Variants in EFCAB6 observed in about 807,000 individuals in gnomAD.
EFCAB6 encodes the protein EF-hand calcium-binding domain-containing protein 6.
EFCAB6 carries 156 observed loss-of-function variants against 169.8 expected under a neutral mutation model. That is an observed-to-expected ratio of 0.92 (90% confidence interval 0.81 to 1.05). The LOEUF is 1.05. EFCAB6 is among the 50% of genes least tolerant of loss of function. The pLI, the probability that EFCAB6 is intolerant of heterozygous loss-of-function variation, is 0.00. For synonymous variants in EFCAB6, 698 were observed against 676.4 expected (o/e 1.03, Z -0.50); for missense variants, 1,800 against 1,829.1 (o/e 0.98, Z 0.29).
At position 43,537,729 on chromosome 22, in the gene EFCAB6, T is replaced by A. The variant is rs949514752; in HGVS notation, c.3880-184A>T. Among the ~76,000 whole-genome samples, 10 of 152,198 alleles carry A rather than the reference T, an allele frequency of 6.6e-5. No individual in the cohort carries two copies. The highest frequency in any genetic ancestry group is 1.5e-4 in the Non-Finnish European group (10 of 68,038). On this transcript the variant is annotated intron_variant, in intron 28 of 31. Coordinates refer to ENST00000262726, the MANE Select transcript of EFCAB6 (RefSeq NM_022785.4). This position sits in a 1 kb window ranked among gnomAD's most constrained non-coding sequence, Gnocchi z 4.3. ...GTAGCTTTTATTTCCATTGGTGGGC[T>A]ATATGTACTTATGCCAAGCCATAAT... is the stretch of plus-strand genomic sequence containing the variant.
In EFCAB6 at chr22:43,782,184, A is replaced by G. The variant is rs2061844189; in HGVS notation, c.135T>C (p.Ser45=). 6.2e-7 allele frequency: 1 copy of G among 1,611,586 alleles called. No homozygotes were observed. The highest frequency in any genetic ancestry group is 8.5e-7 in the Non-Finnish European group (1 of 1,179,188). Residue 45 remains serine, a synonymous_variant, in exon 3 of 32, where the codon TCT becomes TCC. Transcript: ENST00000262726. The stretch of plus-strand genomic sequence containing the variant: ...TATTTGCTCATGAATACTTACTTGA[A>G]GAAGATCTGAACTTATTTGGGGAAC... ...RNGSPNKFRS[S]STTAVANPTL... is the part of the protein sequence containing the mutation.
At chr22:43,731,893 C>G in intron 7 of EFCAB6, 82 bp from the exon 8 acceptor site, 1 of 691,592 alleles carries the variant, frequency 1.4e-6, no homozygotes. Context: ...CCTTTACACT[C>G]GGGCTGGCAT....
In EFCAB6 at chr22:43,632,088, A is replaced by G; in HGVS notation, c.2232+17T>C. 7.4e-6 allele frequency: 12 copies of G among 1,612,744 alleles called. No homozygotes were observed. The highest frequency in any genetic ancestry group is 1.0e-5 in the Non-Finnish European group (12 of 1,179,092). ...GGGAGGCCTAGAGAAGCCCAGCGCC[A>G]GACAGTCACGGTTTACCCGGAATGA... On this transcript the variant is annotated intron_variant, in intron 19 of 31. Coordinates refer to ENST00000262726, the MANE Select transcript of EFCAB6 (RefSeq NM_022785.4).
chr22:43,771,453 T>C (rs2061468034), intron 4 of EFCAB6, among the ~76,000 whole-genome samples: 1 of 152,068 alleles, frequency 6.6e-6, no homozygotes, highest in East Asian at 1.9e-4. Flanking sequence ...AATTAATTAA[T>C]TAATTTAAAA....
chr22:43,611,654 T>C (rs2053314840), intron 21 of EFCAB6, among the ~76,000 whole-genome samples: 1 of 151,954 alleles, frequency 6.6e-6, no homozygotes. Context: ...AAAAATTAGC[T>C]GAGTGTGGTG....
At chr22:43,781,179 T>C (rs1006298948) in intron 3 of EFCAB6, among the ~76,000 whole-genome samples, 1 of 152,124 alleles carries the variant, frequency 6.6e-6, no homozygotes, top group African/African-American at 2.4e-5. Flanking sequence ...TTTTGGAAAA[T>C]AATAACGTCA....
intron 12 of EFCAB6, among the ~76,000 whole-genome samples, chr22:43,683,199 G>A (rs1011746599): frequency 3.9e-5 from 6 of 152,190 alleles, no homozygotes; most frequent in Non-Finnish European, 1.5e-5. Context: ...GTATCAAAAG[G>A]ATCCAAATGC....
At chr22:43,782,107 T>C in intron 3 of EFCAB6, 73 bp downstream of exon 3, 3 of 1,454,570 alleles carry the variant, frequency 2.1e-6, no homozygotes, top group Non-Finnish European at 2.8e-6. Context: ...TCCTTTGAAC[T>C]AAGCTTGGTA....
intron 24 of EFCAB6, among the ~76,000 whole-genome samples, chr22:43,584,619 T>C (rs570744847): frequency 6.6e-6 from 1 of 152,260 alleles, no homozygotes; most frequent in Non-Finnish European, 1.5e-5. Context: ...CTGAGAGCCT[T>C]ATCTTAGCTT....
chr22:43,747,388 AC>A (rs1334195692), intron 6 of EFCAB6, among the ~76,000 whole-genome samples: 25 of 152,188 alleles, frequency 1.6e-4, no homozygotes, highest in Admixed American at 1.6e-3. Flanking sequence ...GGGGAACAGC[AC>A]TGGAGAAGCT....
chr22:43,631,250 G>A (rs530507058), intron 19 of EFCAB6, among the ~76,000 whole-genome samples: 7 of 151,894 alleles, frequency 4.6e-5, no homozygotes, highest in South Asian at 2.1e-4. Context: ...GCCCTGTCTC[G>A]GGGTTCGCCT....
In EFCAB6 at chr22:43,590,164, G is replaced by A; in HGVS notation, c.2942C>T (p.Thr981Ile). The A allele has an allele frequency of 5.0e-6, 8 of 1,614,108 alleles. No homozygotes were observed. The highest frequency in any genetic ancestry group is 6.8e-6 in the Non-Finnish European group (8 of 1,180,010). Residue 981 changes from threonine to isoleucine, a missense_variant, in exon 24 of 32, where the codon ACC becomes ATC. Transcript: ENST00000262726. ...CATCTTGCATATGGATATGTAGTTG[G>A]TTTTGGATTGATCAGTTTTGGTGAA... ...KAFTKTDQSK[T>I]NYISICKMQE...
chr22:43,666,562 CATT>C (rs2057258463), intron 17 of EFCAB6, among the ~76,000 whole-genome samples: 1 of 152,154 alleles, frequency 6.6e-6, no homozygotes, highest in African/African-American at 2.4e-5. Flanking sequence ...TTTAAGCAAT[CATT>C]TAAATTAATT....
intron 13 of EFCAB6, among the ~76,000 whole-genome samples, chr22:43,673,906 G>T (rs1168615740): frequency 1.3e-5 from 2 of 151,604 alleles, no homozygotes; most frequent in African/African-American, 4.9e-5. Context: ...GGCAGAGCTT[G>T]CAGTGAGCCG....
chr22:43,590,321 A>AGCTGATG, intron 23 of EFCAB6, 92 bp from the exon 24 acceptor site: 1 of 1,414,342 alleles, frequency 7.1e-7, no homozygotes, highest in Admixed American at 2.3e-5. Context: ...TAATGCAATG[A>AGCTGATG]GCTGATGGCT....
intron 10 of EFCAB6, among the ~76,000 whole-genome samples, chr22:43,710,710 AC>A (rs1192454161): frequency 1.2e-4 from 19 of 152,226 alleles, no homozygotes; most frequent in Non-Finnish European, 2.1e-4. Context: ...AGTATGATCA[AC>A]AATGGTTGAT....
intron 17 of EFCAB6, among the ~76,000 whole-genome samples, chr22:43,647,548 T>C (rs1425483690): frequency 6.6e-6 from 1 of 152,220 alleles, no homozygotes; most frequent in African/African-American, 2.4e-5. Flanking sequence ...TTGAATTGTG[T>C]ACCCCAAAAG....
rs544087949 is a variant in EFCAB6 at position 43,802,009 on chromosome 22, A to AG, written c.-8+6985_-8+6986insC. Among the ~76,000 whole-genome samples the AG allele has an allele frequency of 9.2e-5, 14 of 152,318 alleles. No homozygotes were observed. In the East Asian group the frequency reaches 1.9e-3, roughly 21 times the overall value. On this transcript the variant is annotated intron_variant, in intron 2 of 31. Coordinates refer to ENST00000262726, the MANE Select transcript of EFCAB6 (RefSeq NM_022785.4). ...TAAAGACTCGTATAGACTGAAAGTG[A>AG]AGGGATGGAAAGGATATTCCATGCA...
chr22:43,597,170 T>C (rs1852460669), intron 23 of EFCAB6, among the ~76,000 whole-genome samples: 1 of 152,100 alleles, frequency 6.6e-6, no homozygotes. Flanking sequence ...ATTGGGGAAA[T>C]GCTACAGGAC....
Sources: allele counts gnomAD v4.1 joint callset (sites outside exome capture counted in the v4.1 genomes callset), GRCh38; gene constraint gnomAD v4.1.1; non-coding constraint Gnocchi (gnomAD v3.1); transcripts MANE v1.5; gene names NCBI Gene and HGNC (gene_info 2026-07-23, HGNC 2026-07-21).